The following TENM1 variants were observed in gnomAD, a reference collection of about 807,000 sequenced individuals.
The protein encoded by TENM1 is teneurin transmembrane protein 1.
TENM1 carries 35 observed loss-of-function variants against 174.8 expected under a neutral mutation model. The ratio of observed to expected loss-of-function variants is 0.20; its 90% confidence interval spans 0.15 to 0.27. TENM1 has a LOEUF of 0.27. TENM1 is among the 10% of genes least tolerant of loss of function. TENM1 has a pLI of 1.00. For synonymous variants in TENM1, 781 were observed against 798.7 expected (o/e 0.98, Z 0.37); for missense variants, 1,633 against 2,130.1 (o/e 0.77, Z 4.59).
At chrX:124,635,460 A>T (rs1382110668) in intron 11 of TENM1, among the ~76,000 whole-genome samples, 1 of 112,218 alleles carries the variant, frequency 8.9e-6, no homozygotes, top group Non-Finnish European at 1.9e-5. Context: ...GTTGAAAAGA[A>T]CCTCCAGGCC....
chrX:124,968,893 C>A, the TENM1 span, among the ~76,000 whole-genome samples: 1 of 111,568 alleles, frequency 9.0e-6, no homozygotes. Flanking sequence ...AATAAAAAAG[C>A]AGAAAACATT....
At chrX:125,068,145 A>G in the TENM1 span, among the ~76,000 whole-genome samples, 1 of 111,716 alleles carries the variant, frequency 9.0e-6, no homozygotes, top group African/African-American at 3.3e-5. Context: ...GCAAGCTAAA[A>G]TGAAAAGAGG....
chrX:124,596,005 G>A (rs1228381964), intron 11 of TENM1, among the ~76,000 whole-genome samples: 2 of 112,125 alleles, frequency 1.8e-5, no homozygotes, highest in African/African-American at 6.5e-5. Context: ...AATATGCATT[G>A]CATTTAATAA....
chrX:124,990,003 T>C, the TENM1 span, among the ~76,000 whole-genome samples: 1 of 111,729 alleles, frequency 9.0e-6, no homozygotes, highest in Admixed American at 9.6e-5. Context: ...TATATCACTT[T>C]TGTATAAAAG....
At chrX:124,717,597 G>A (rs1256601520) in intron 4 of TENM1, among the ~76,000 whole-genome samples, 1 of 111,729 alleles carries the variant, frequency 9.0e-6, no homozygotes, top group Non-Finnish European at 1.9e-5. Flanking sequence ...ATGATGGAGA[G>A]AGTTTCATCT....
At chrX:124,968,259 ATTAAC>A (rs1166374846), upstream of TENM1, among the ~76,000 whole-genome samples, 2 of 112,315 alleles carry the variant, frequency 1.8e-5, no homozygotes, top group African/African-American at 3.2e-5. Context: ...CTTAAGCTTT[ATTAAC>A]TTAACTTCAT....
At chrX:124,896,303 C>A in intron 1 of TENM1, 62 bp from the exon 5 acceptor site, 1 of 1,131,012 alleles carries the variant, frequency 8.8e-7, no homozygotes, top group Non-Finnish European at 1.2e-6. Flanking sequence ...CCAGAAAATT[C>A]TACTTTTTGT....
chrX:124,992,168 T>C, the TENM1 span, among the ~76,000 whole-genome samples: 1 of 111,358 alleles, frequency 9.0e-6, no homozygotes, highest in South Asian at 3.8e-4. Context: ...GGTTTTTAAT[T>C]TACTGCTGGG....
chrX:125,086,593 T>C, the TENM1 span, among the ~76,000 whole-genome samples: 1 of 111,136 alleles, frequency 9.0e-6, no homozygotes, highest in South Asian at 3.7e-4. Context: ...TTTAAAAATA[T>C]TGTCGGTAAG....
chrX:124,621,507 A>C (rs2050519834), intron 11 of TENM1, among the ~76,000 whole-genome samples: 1 of 112,132 alleles, frequency 8.9e-6, no homozygotes, highest in Non-Finnish European at 1.9e-5. Flanking sequence ...ACTGGGACCC[A>C]AGTCTAAATA....
At chrX:124,521,340 T>A (rs1394604725) in intron 17 of TENM1, among the ~76,000 whole-genome samples, 2 of 111,966 alleles carry the variant, frequency 1.8e-5, no homozygotes, top group Non-Finnish European at 3.8e-5. Flanking sequence ...ACCGATGCCA[T>A]CAAATTCGTT....
chrX:124,778,319 A>G (rs2054831181), intron 3 of TENM1, among the ~76,000 whole-genome samples: 1 of 111,920 alleles, frequency 8.9e-6, no homozygotes, highest in South Asian at 3.8e-4. Flanking sequence ...TGTGAGGCAG[A>G]GGGCTTGTTA....
At chrX:124,755,207 C>T (rs1164177092) in intron 3 of TENM1, among the ~76,000 whole-genome samples, 1 of 107,602 alleles carries the variant, frequency 9.3e-6, no homozygotes, top group East Asian at 2.9e-4. Context: ...GATAGTCAGC[C>T]CTTCTTGTTG....
intron 11 of TENM1, among the ~76,000 whole-genome samples, chrX:124,584,555 C>A (rs1333192544): frequency 3.4e-4 from 38 of 111,525 alleles, no homozygotes; most frequent in African/African-American, 1.1e-3. Flanking sequence ...TGGAAAGGAA[C>A]AACTGGCACC....
At chrX:125,030,004 T>C in the TENM1 span, among the ~76,000 whole-genome samples, 1 of 112,423 alleles carries the variant, frequency 8.9e-6, no homozygotes, top group African/African-American at 3.2e-5. Flanking sequence ...TCTGTGTCAT[T>C]TGTATTTTCA....
intron 15 of TENM1, 43 bp downstream of exon 18, chrX:124,546,831 C>T (rs1421947332): frequency 1.9e-6 from 2 of 1,038,672 alleles, no homozygotes; most frequent in African/African-American, 3.7e-5. Context: ...TCAGGAAAAA[C>T]ATGACCATTG....
At chrX:124,885,805 C>T (rs775744590) in intron 3 of TENM1, among the ~76,000 whole-genome samples, 4 of 110,982 alleles carry the variant, frequency 3.6e-5, no homozygotes, top group African/African-American at 1.3e-4. Flanking sequence ...AGATGATTCC[C>T]CTTTTCTCTA....
At chrX:125,149,294 ATCT>A in the TENM1 span, among the ~76,000 whole-genome samples, 1 of 112,320 alleles carries the variant, frequency 8.9e-6, no homozygotes, top group Non-Finnish European at 1.9e-5. Context: ...CTCAAGTGTC[ATCT>A]TCTTTCTGGA....
intron 11 of TENM1, among the ~76,000 whole-genome samples, chrX:124,620,735 C>T (rs1286585108): frequency 2.7e-5 from 3 of 111,852 alleles, no homozygotes; most frequent in Non-Finnish European, 3.8e-5. Context: ...ATTCATGTAA[C>T]GCATAGGATT....
Sources: allele counts gnomAD v4.1 joint callset (sites outside exome capture counted in the v4.1 genomes callset), GRCh38; gene constraint gnomAD v4.1.1; transcripts MANE v1.5; gene names NCBI Gene and HGNC (gene_info 2026-07-23, HGNC 2026-07-21).